Variants in GGTA1 observed in about 807,000 individuals in gnomAD.
GGTA1 encodes glycoprotein alpha-galactosyltransferase 1 (inactive), also known as inactive N-acetyllactosaminide alpha-1,3-galactosyltransferase.
Under a neutral mutation model 2.6 loss-of-function variants are expected in GGTA1, and 5 were observed. The observed-to-expected ratio is 1.92, with a 90% CI of 1.00 to 4.04. GGTA1 has a LOEUF of 4.04. Ranked by LOEUF, GGTA1 falls within the 30% of genes most tolerant of loss-of-function variation. The pLI is 0.00. For synonymous variants in GGTA1, 17 were observed against 5.0 expected (o/e 3.38, Z -3.19); for missense variants, 50 against 16.7 (o/e 2.99, Z -3.47).
In GGTA1 at chr9:121,467,845, G is replaced by T. The variant is rs2065015704; in HGVS notation, c.78C>A (p.Asn26Lys). The change falls in exon 2 of 6, where the codon AAC becomes AAA. Residue 26 changes from asparagine to lysine, a missense_variant and splice_region_variant. Physicochemically the swap from Asn to Lys is moderately conservative, Grantham distance 94. Transcript: ENST00000481799. The stretch of plus-strand genomic sequence containing the variant: ...ACTTCATCATGTTTCATAATTACCT[G>T]TTGATAAATTCCCAAAACACAATGA... ...TVIIVFWEFI[N>K]STEGSFLWIY... The T allele has an allele frequency of 4.4e-6, 2 of 455,994 alleles. No individual in the cohort carries two copies. Among genetic ancestry groups the T allele is most frequent in the Non-Finnish European group, 8.8e-6 (2 of 226,760 alleles). The allele number at this position is 455,994 out of a possible 1,614,324, so 28.2% of individuals were successfully genotyped here.
chr9:121,469,021 C>A (rs868262529), intron 1 of GGTA1, among the ~76,000 whole-genome samples: 6 of 152,154 alleles, frequency 3.9e-5, no homozygotes, highest in Admixed American at 1.3e-4. Flanking sequence ...CCATCCACTT[C>A]CCAGCTACCC....
At chr9:121,451,072 G>A (rs1255765768), downstream of GGTA1, among the ~76,000 whole-genome samples, 2 of 150,594 alleles carry the variant, frequency 1.3e-5, no homozygotes, top group South Asian at 4.2e-4. Flanking sequence ...AGGCCCAGAG[G>A]GCAGAAAAAA....
chr9:121,452,260 T>C (rs1462812540), downstream of GGTA1: 1 of 152,678 alleles, frequency 6.5e-6, no homozygotes, highest in African/African-American at 2.4e-5. Context: ...ATCTGGTCAC[T>C]GTCACAACCT....
chr9:121,451,532 T>C (rs899464140), downstream of GGTA1, among the ~76,000 whole-genome samples: 1 of 152,188 alleles, frequency 6.6e-6, no homozygotes, highest in African/African-American at 2.4e-5. Context: ...TTCTGCGTCA[T>C]ATGTTCTGAA....
At chr9:121,468,781 A>T (rs755023506) in intron 1 of GGTA1, among the ~76,000 whole-genome samples, 2 of 152,238 alleles carry the variant, frequency 1.3e-5, no homozygotes, top group Non-Finnish European at 2.9e-5. Flanking sequence ...TGCTAAGGCC[A>T]CACTGGGGCT....
chr9:121,483,431 T>C (rs1351356930), intron 1 of GGTA1, among the ~76,000 whole-genome samples: 1 of 152,170 alleles, frequency 6.6e-6, no homozygotes, highest in Non-Finnish European at 1.5e-5. Context: ...ACGGCCCTCC[T>C]CCTTCCCTGA....
At chr9:121,493,405 G>C (rs1828915900) in intron 1 of GGTA1, among the ~76,000 whole-genome samples, 1 of 151,996 alleles carries the variant, frequency 6.6e-6, no homozygotes, top group South Asian at 2.1e-4. Context: ...TAATTTTTGA[G>C]GTTTTTCGCC....
chr9:121,463,784 G>A (rs1349106415), intron 2 of GGTA1, among the ~76,000 whole-genome samples: 1 of 152,086 alleles, frequency 6.6e-6, no homozygotes, highest in Non-Finnish European at 1.5e-5. Context: ...ACCTACTCAG[G>A]TGCCTGGTGA....
At chr9:121,489,793 G>C (rs1828837338) in intron 1 of GGTA1, among the ~76,000 whole-genome samples, 1 of 152,188 alleles carries the variant, frequency 6.6e-6, no homozygotes, top group Admixed American at 6.5e-5. Flanking sequence ...ACTCTCCTGG[G>C]GATGTGTGTG....
At chr9:121,447,897 A>G (rs1398999146) in intron 7 of GGTA1, among the ~76,000 whole-genome samples, 1 of 152,148 alleles carries the variant, frequency 6.6e-6, no homozygotes, top group Non-Finnish European at 1.5e-5. Context: ...AGCAACTAGA[A>G]CTAGACATGC....
At chr9:121,459,074 G>A (rs2064938177) in intron 5 of GGTA1, among the ~76,000 whole-genome samples, 1 of 152,170 alleles carries the variant, frequency 6.6e-6, no homozygotes, top group African/African-American at 2.4e-5. Flanking sequence ...CCTTCACACT[G>A]GCATGGATCC....
chr9:121,491,134 G>A (rs190059352), intron 1 of GGTA1, among the ~76,000 whole-genome samples: 3 of 151,974 alleles, frequency 2.0e-5, no homozygotes, highest in Admixed American at 6.6e-5. Flanking sequence ...AGCAAACCCC[G>A]GCCCAGTCCT....
At chr9:121,458,179 G>C (rs977704182) in intron 5 of GGTA1, among the ~76,000 whole-genome samples, 8 of 151,678 alleles carry the variant, frequency 5.3e-5, no homozygotes, top group Admixed American at 2.6e-4. Flanking sequence ...CAAAGTGCTA[G>C]GATTACAGGC....
At chr9:121,454,871 A>G (rs2064898083), downstream of GGTA1, among the ~76,000 whole-genome samples, 1 of 152,102 alleles carries the variant, frequency 6.6e-6, no homozygotes, top group African/African-American at 2.4e-5. Flanking sequence ...AAAATTAGCC[A>G]GGCGTGGTGG....
chr9:121,462,458 ATC>A (rs144962511), intron 3 of GGTA1, among the ~76,000 whole-genome samples: 2,440 of 152,296 alleles, frequency 0.016, 58 homozygotes, highest in African/African-American at 0.056. Flanking sequence ...ATATTATGAA[ATC>A]TGTTTTAAAG....
intron 5 of GGTA1, among the ~76,000 whole-genome samples, chr9:121,458,446 G>T (rs1355614390): frequency 6.6e-6 from 1 of 151,242 alleles, no homozygotes; most frequent in Non-Finnish European, 1.5e-5. Context: ...GGGCAACATG[G>T]CAAGACCCCG....
At chr9:121,457,892 T>G in intron 5 of GGTA1, among the ~76,000 whole-genome samples, 1 of 138,832 alleles carries the variant, frequency 7.2e-6, no homozygotes, top group South Asian at 2.5e-4. Flanking sequence ...TGGTTTTAGG[T>G]AGTTTACAGA....
downstream of GGTA1, among the ~76,000 whole-genome samples, chr9:121,451,386 C>T (rs4837852): frequency 0.52 from 79,668 of 151,938 alleles, 21,449 homozygotes; most frequent in South Asian, 0.69. Context: ...GGGGTTTCAC[C>T]GTGTTAGCTA....
chr9:121,475,078 G>T (rs1263423600), intron 1 of GGTA1, among the ~76,000 whole-genome samples: 2 of 152,240 alleles, frequency 1.3e-5, no homozygotes, highest in Non-Finnish European at 1.5e-5. Flanking sequence ...GATGGTTAAG[G>T]CATTCTAAGT....
Sources: gnomAD v4.1 joint callset for allele counts (sites outside exome capture counted in the v4.1 genomes callset) on GRCh38, gnomAD v4.1.1 for gene constraint, MANE v1.5 for transcripts, NCBI Gene and HGNC (gene_info 2026-07-23, HGNC 2026-07-21) for gene names.